The following CACNA1C variants were observed in gnomAD, a reference collection of about 807,000 sequenced individuals.
CACNA1C encodes voltage-dependent L-type calcium channel subunit alpha-1C.
In CACNA1C, 30 loss-of-function variants were observed where a neutral mutation model predicts 229.0. That is an observed-to-expected ratio of 0.13 (90% CI 0.10 to 0.18). CACNA1C has a LOEUF of 0.18. Among genes scored for constraint, CACNA1C ranks in the 10% least tolerant of loss-of-function variants. CACNA1C has a pLI of 1.00. For missense variants in CACNA1C, 1,658 were observed against 2,845.0 expected, an observed-to-expected ratio of 0.58 and a Z score of 9.49; for synonymous variants, 1,114 against 1,132.5, an observed-to-expected ratio of 0.98 and a Z score of 0.33.
intron 1 of CACNA1C, among the ~76,000 whole-genome samples, chr12:2,094,308 G>A (rs1490381998): frequency 2.0e-5 from 3 of 152,192 alleles, no homozygotes; most frequent in African/African-American, 4.8e-5. Flanking sequence ...TGCTCAAGGA[G>A]TTCCGGTGGT....
chr12:2,478,960 GTC>G (rs2099647824), intron 5 of CACNA1C, among the ~76,000 whole-genome samples: 1 of 152,182 alleles, frequency 6.6e-6, no homozygotes, highest in Admixed American at 6.5e-5. Flanking sequence ...GGGTACGCCT[GTC>G]TCTCTCATTA....
chr12:2,399,879 G>C (rs2098652087), intron 3 of CACNA1C, among the ~76,000 whole-genome samples: 1 of 152,216 alleles, frequency 6.6e-6, no homozygotes, highest in African/African-American at 2.4e-5. Context: ...CTCAGCATCT[G>C]AACTCTGACT....
chr12:2,553,947 G>A (rs545644394), intron 10 of CACNA1C, among the ~76,000 whole-genome samples: 9 of 152,326 alleles, frequency 5.9e-5, no homozygotes, highest in Non-Finnish European at 8.8e-5. Flanking sequence ...GGGAGAGGAC[G>A]TCCTGGAGTT....
intron 3 of CACNA1C, among the ~76,000 whole-genome samples, chr12:2,324,605 A>G (rs1275487950): frequency 6.6e-6 from 1 of 151,138 alleles, no homozygotes; most frequent in African/African-American, 2.4e-5. Context: ...TGCTGCCAGG[A>G]CCCTGATGTT....
chr12:2,362,591 C>T (rs1252162301), intron 3 of CACNA1C, among the ~76,000 whole-genome samples: 1 of 152,216 alleles, frequency 6.6e-6, no homozygotes, highest in Admixed American at 6.5e-5. Context: ...CCAGCTGGAC[C>T]ATAATCCTCC....
In CACNA1C at chr12:2,691,013, G is replaced by A. The variant is rs772093926; in HGVS notation, c.6231G>A (p.Ala2077=). 5.6e-6 allele frequency: 9 copies of A among 1,600,688 alleles called. No individual in the cohort carries two copies. Among genetic ancestry groups the A allele is most frequent in the African/African-American group, 1.3e-5 (1 of 74,724 alleles). Residue 2077 remains alanine (A), a synonymous_variant, in exon 47 of 47, where the codon GCG becomes GCA. Coordinates refer to ENST00000399655, the MANE Select transcript of CACNA1C (RefSeq NM_000719.7). ...CDMTIEEMES[A]ADNILSGGAP... Reference sequence around the variant, plus strand: ...TGACCATAGAGGAGATGGAGAGCGCGGCCGACAACATCCTCAGCGGGGGCG... The same window carrying A: ...TGACCATAGAGGAGATGGAGAGCGCAGCCGACAACATCCTCAGCGGGGGCG...
intron 1 of CACNA1C, among the ~76,000 whole-genome samples, chr12:2,057,261 C>T (rs2055410008): frequency 6.6e-6 from 1 of 152,240 alleles, no homozygotes; most frequent in Non-Finnish European, 1.5e-5. Context: ...CTTGGGATCC[C>T]TGCTTCCTAG....
In CACNA1C at chr12:1,971,765, CTTTGGGG is replaced by C. The variant is rs2032370567; in HGVS notation, c.139+565_139+571del. 6.6e-6 allele frequency among the ~76,000 whole-genome samples: 1 copy of C among 152,134 alleles called. No homozygotes were observed. The highest frequency in any genetic ancestry group is 6.6e-5 in the Admixed American group (1 of 15,266). On this transcript the variant is annotated intron_variant, in intron 1 of 46. Coordinates refer to the CACNA1C transcript ENST00000682462. This position sits in a 1 kb window ranked among gnomAD's most constrained non-coding sequence, Gnocchi z 4.2. ...GGTGCATTAGTTCATTTTGCATGTT[CTTTGGGG>C]ATTTGCCTTATCTCATTTATGTTCC...
At chr12:2,198,352 A>G (rs912787878) in intron 3 of CACNA1C, among the ~76,000 whole-genome samples, 2 of 152,102 alleles carry the variant, frequency 1.3e-5, no homozygotes, top group Non-Finnish European at 2.9e-5. Flanking sequence ...GTTGGCGGCC[A>G]GGAGAATTCC....
intron 1 of CACNA1C, among the ~76,000 whole-genome samples, chr12:2,056,645 G>A (rs1039881157): frequency 1.3e-5 from 2 of 152,090 alleles, no homozygotes; most frequent in Non-Finnish European, 2.9e-5. Context: ...TTTACAAATG[G>A]TCAGAGAACA....
At chr12:2,415,862 G>A (rs927356975) in intron 3 of CACNA1C, among the ~76,000 whole-genome samples, 1 of 152,042 alleles carries the variant, frequency 6.6e-6, no homozygotes, top group Non-Finnish European at 1.5e-5. Context: ...CCCTTTCCCT[G>A]GCCAGCTCTT....
At chr12:2,588,839 A>G (rs781187536) in intron 18 of CACNA1C, among the ~76,000 whole-genome samples, 2 of 152,174 alleles carry the variant, frequency 1.3e-5, no homozygotes, top group African/African-American at 4.8e-5. Context: ...TGCAAGAGCC[A>G]CTAAGGACTT....
At chr12:2,457,225 G>A (rs1282928845) in intron 4 of CACNA1C, among the ~76,000 whole-genome samples, 7 of 152,210 alleles carry the variant, frequency 4.6e-5, no homozygotes, top group Middle Eastern at 3.2e-3. Flanking sequence ...TGGAGAAGCC[G>A]GAGGGCTCCT....
At chr12:2,617,253 C>T (rs2081117518) in intron 29 of CACNA1C, among the ~76,000 whole-genome samples, 1 of 152,190 alleles carries the variant, frequency 6.6e-6, no homozygotes, top group Non-Finnish European at 1.5e-5. Context: ...GAGATGCTAC[C>T]AGAACCAGAG....
chr12:2,032,172 A>G (rs2048350169), intron 1 of CACNA1C, among the ~76,000 whole-genome samples: 1 of 152,084 alleles, frequency 6.6e-6, no homozygotes, highest in Non-Finnish European at 1.5e-5. Flanking sequence ...TAAGGGAGCA[A>G]CTTGGAGGAG....
At chr12:2,051,177 G>A (rs1473728613), upstream of CACNA1C, among the ~76,000 whole-genome samples, 1 of 152,170 alleles carries the variant, frequency 6.6e-6, no homozygotes, top group African/African-American at 2.4e-5. Flanking sequence ...TGAGATTTGC[G>A]GAAAGCCTTG....
intron 13 of CACNA1C, among the ~76,000 whole-genome samples, chr12:2,570,613 A>G (rs533075683): frequency 6.6e-6 from 1 of 152,166 alleles, no homozygotes; most frequent in African/African-American, 2.4e-5. Flanking sequence ...GCTCAGAGAG[A>G]TGGAAAAAAT....
chr12:2,366,401 T>G (rs1365789313), intron 3 of CACNA1C, among the ~76,000 whole-genome samples: 2 of 152,154 alleles, frequency 1.3e-5, no homozygotes, highest in Non-Finnish European at 2.9e-5. Flanking sequence ...TTTTGAGAAA[T>G]AACAATATAA....
intron 7 of CACNA1C, among the ~76,000 whole-genome samples, chr12:2,495,527 A>T (rs1373183882): frequency 6.6e-6 from 1 of 152,216 alleles, no homozygotes; most frequent in Non-Finnish European, 1.5e-5. Context: ...TCCCACCACC[A>T]CAAGTCATTG....
Sources: allele counts gnomAD v4.1 joint callset (sites outside exome capture counted in the v4.1 genomes callset), GRCh38; gene constraint gnomAD v4.1.1; non-coding constraint Gnocchi (gnomAD v3.1); transcripts MANE v1.5; gene names NCBI Gene and HGNC (gene_info 2026-07-23, HGNC 2026-07-21).